Variants in MTUS2 observed in about 807,000 individuals in gnomAD.
MTUS2 encodes microtubule associated scaffold protein 2.
MTUS2 carries 40 observed loss-of-function variants against 114.1 expected under a neutral mutation model. The observed-to-expected ratio is 0.35, with a 90% CI of 0.27 to 0.46. The LOEUF (loss-of-function observed/expected upper bound fraction) is 0.46, where lower values mean the gene tolerates loss of function less well. Ranked by LOEUF, MTUS2 falls within the 20% of genes least tolerant of loss-of-function variation. The pLI, the probability that MTUS2 is intolerant of heterozygous loss-of-function variation, is 1.00. For missense variants in MTUS2, 1,679 were observed against 1,705.4 expected, an observed-to-expected ratio of 0.98 and a Z score of 0.27; for synonymous variants, 688 against 672.0, an observed-to-expected ratio of 1.02 and a Z score of -0.37.
chr13:29,095,749 T>C (rs1890151938), intron 4 of MTUS2, among the ~76,000 whole-genome samples: 1 of 151,594 alleles, frequency 6.6e-6, no homozygotes, highest in Non-Finnish European at 1.5e-5. Flanking sequence ...TGCAAATCTG[T>C]TGTAGAGCCC....
chr13:29,354,793 A>G (rs973727489), intron 7 of MTUS2, among the ~76,000 whole-genome samples: 4 of 152,218 alleles, frequency 2.6e-5, no homozygotes, highest in African/African-American at 9.7e-5. Flanking sequence ...AAGTAGGAAA[A>G]TAGTGGGCCA....
At chr13:29,050,593 AC>A (rs1195255484) in intron 4 of MTUS2, among the ~76,000 whole-genome samples, 1 of 151,728 alleles carries the variant, frequency 6.6e-6, no homozygotes, top group South Asian at 2.1e-4. Flanking sequence ...GCGTCATCTT[AC>A]CCCCCTCTTC....
chr13:28,895,467 C>T (rs921733092), intron 2 of MTUS2, among the ~76,000 whole-genome samples: 2 of 152,030 alleles, frequency 1.3e-5, no homozygotes, highest in African/African-American at 4.8e-5. Context: ...CACATAACTC[C>T]CCAATATTAA....
intron 1 of MTUS2, among the ~76,000 whole-genome samples, chr13:28,825,367 T>C (rs1874194731): frequency 1.3e-5 from 2 of 152,110 alleles, no homozygotes; most frequent in Admixed American, 1.3e-4. Flanking sequence ...ATAAAAGATG[T>C]GGACAGTGGA....
At chr13:28,823,854 G>A (rs184061297) in intron 1 of MTUS2, among the ~76,000 whole-genome samples, 3 of 152,266 alleles carry the variant, frequency 2.0e-5, no homozygotes, top group East Asian at 1.9e-4. Context: ...AAGCAAACAC[G>A]TCCTTCTTCA....
At chr13:29,337,969 T>TG (rs965937558) in intron 7 of MTUS2, among the ~76,000 whole-genome samples, 3 of 150,640 alleles carry the variant, frequency 2.0e-5, no homozygotes, top group Non-Finnish European at 4.4e-5. Context: ...TTTTTTTTTT[T>TG]AGTAGAGACA....
rs946710185 is a variant in MTUS2 at position 29,228,600 on chromosome 13, A to C, written c.2645-53104A>C. Among the ~76,000 whole-genome samples, 6 of 152,278 alleles carry C rather than the reference A, an allele frequency of 3.9e-5. No homozygotes were observed. The South Asian group carries it at 1.2e-3, about 32-fold the overall frequency. On this transcript the variant is annotated intron_variant, in intron 5 of 15. Transcript: ENST00000612955. ...CTCCCAAATTGTTGGGATTGCAGGC[A>C]TGAGACACTAGGCCTGGCCCTGTGT... is the stretch of plus-strand genomic sequence containing the variant.
chr13:28,935,147 C>T (rs1881835641), intron 2 of MTUS2, among the ~76,000 whole-genome samples: 1 of 149,236 alleles, frequency 6.7e-6, no homozygotes, highest in South Asian at 2.1e-4. Flanking sequence ...TTCTTTTCTT[C>T]ATTGCTGTGA....
chr13:29,357,403 T>C (rs1043999435), intron 7 of MTUS2, among the ~76,000 whole-genome samples: 1 of 152,226 alleles, frequency 6.6e-6, no homozygotes, highest in African/African-American at 2.4e-5. Context: ...CTAAAAGAAG[T>C]GCCTTCTATT....
At chr13:28,949,564 A>G (rs1363860899) in intron 2 of MTUS2, among the ~76,000 whole-genome samples, 1 of 152,078 alleles carries the variant, frequency 6.6e-6, no homozygotes, top group Non-Finnish European at 1.5e-5. Context: ...AATATCTAGA[A>G]CTCTTTTTTT....
chr13:29,100,830 G>T lies in MTUS2; in HGVS notation c.2504G>T (p.Gly835Val), dbSNP rs2138820869. Residue 835 changes from glycine (G) to valine (V), a missense_variant, in exon 5 of 16, where the codon GGT (glycine) becomes GTT (valine). Physicochemically the swap from Gly to Val is moderately radical, Grantham distance 109. This residue lies in a region of MTUS2 where 822 missense variants were observed against 899.7 expected (regional missense o/e 0.91). Transcript: ENST00000612955. ...GCAAAATCCAATCTCCCGAAATCTG[G>T]TCTCCGTCCTCCCGGATACTCACGT... is the stretch of plus-strand genomic sequence containing the variant. Reference protein sequence around the residue: ...NAAKSNLPKSGLRPPGYSRLP... With the variant: ...NAAKSNLPKSVLRPPGYSRLP... 1 of 1,551,602 alleles carries T rather than the reference G, an allele frequency of 6.4e-7. No homozygotes were observed. Among genetic ancestry groups the T allele is most frequent in the East Asian group, 2.4e-5 (1 of 40,914 alleles).
chr13:29,264,157 C>G (rs1897580986), intron 5 of MTUS2, among the ~76,000 whole-genome samples: 1 of 152,236 alleles, frequency 6.6e-6, no homozygotes, highest in Non-Finnish European at 1.5e-5. Context: ...GCAATAGGCC[C>G]CACACGAATC....
intron 5 of MTUS2, among the ~76,000 whole-genome samples, chr13:29,247,522 A>G (rs542950440): frequency 1.3e-5 from 2 of 152,244 alleles, no homozygotes; most frequent in Admixed American, 1.3e-4. Context: ...TAAAGGACTA[A>G]TAACCAGAAT....
intron 8 of MTUS2, among the ~76,000 whole-genome samples, chr13:29,437,947 CAA>C (rs60962567): frequency 0.65 from 88,075 of 136,176 alleles, 27,305 homozygotes; most frequent in Non-Finnish European, 0.72. Flanking sequence ...GATCTTATCT[CAA>C]AAAAAAAAAA....
At chr13:29,147,441 A>T (rs1053161241) in intron 5 of MTUS2, among the ~76,000 whole-genome samples, 1 of 152,284 alleles carries the variant, frequency 6.6e-6, no homozygotes, top group South Asian at 2.1e-4. Context: ...AAAAAATTTT[A>T]GCTTTACTTT....
In MTUS2 at chr13:29,239,226, A is replaced by G. The variant is rs539966973; in HGVS notation, c.2645-42478A>G. ...AAACATCACATCACACAGTAAATGT[A>G]TACAATTTTTGTCAATGATGCCTCA... On this transcript the variant is annotated intron_variant, in intron 5 of 15. Transcript: ENST00000612955. Among the ~76,000 whole-genome samples, 4 of 152,346 alleles carry G rather than the reference A, an allele frequency of 2.6e-5. No individual in the cohort carries two copies. The South Asian group carries it at 8.3e-4, about 32-fold the overall frequency.
intron 2 of MTUS2, among the ~76,000 whole-genome samples, chr13:28,963,508 A>G (rs1241070143): frequency 2.0e-5 from 3 of 152,220 alleles, no homozygotes; most frequent in African/African-American, 7.2e-5. Flanking sequence ...ACACAGCATA[A>G]ACGTGTGTGT....
At chr13:28,827,803 T>C (rs1874371365) in intron 1 of MTUS2, among the ~76,000 whole-genome samples, 2 of 151,126 alleles carry the variant, frequency 1.3e-5, no homozygotes, top group Non-Finnish European at 2.9e-5. Flanking sequence ...GGGGAGGGAG[T>C]GTACGAATAG....
chr13:29,134,525 T>G (rs756358179), intron 5 of MTUS2, among the ~76,000 whole-genome samples: 9 of 152,228 alleles, frequency 5.9e-5, no homozygotes, highest in Non-Finnish European at 1.0e-4. Flanking sequence ...AGTTTTTGCT[T>G]ATATATTTGA....
Sources: gnomAD v4.1 joint callset for allele counts (sites outside exome capture counted in the v4.1 genomes callset) on GRCh38, gnomAD v4.1.1 for gene constraint, gnomAD v4.1.1 regional missense constraint, MANE v1.5 for transcripts, NCBI Gene and HGNC (gene_info 2026-07-23, HGNC 2026-07-21) for gene names.